UGCG: variants seen among roughly 807,000 people sequenced by gnomAD.
UGCG encodes ceramide glucosyltransferase.
A neutral mutation model predicts 49.5 loss-of-function variants in UGCG; 10 were observed. The ratio of observed to expected loss-of-function variants is 0.20; its 90% CI spans 0.12 to 0.34. UGCG has a LOEUF of 0.34. Among genes scored for constraint, UGCG ranks in the 10% least tolerant of loss-of-function variants. The probability of loss-of-function intolerance (pLI) is 1.00; values close to 1 mark genes in which losing one functional copy is unlikely to be tolerated. For missense variants in UGCG, 312 were observed against 483.7 expected (o/e 0.65, Z 3.33); for synonymous variants, 182 against 158.2 (o/e 1.15, Z -1.13).
At position 111,924,853 on chromosome 9, in the gene UGCG, A is replaced by G. The variant is rs779814072; in HGVS notation, c.420A>G (p.Ile140Met). ...ATGAAGTTGCAAAGTATGATCTTAT[A>G]TGGATTTGTGATAGTGGAATAAGAG... is the stretch of plus-strand genomic sequence containing the variant. The part of the protein sequence containing the change: ...PGYEVAKYDL[I>M]WICDSGIRVI... The change falls in exon 4 of 9, where the codon ATA (isoleucine) becomes ATG (methionine). Residue 140 changes from isoleucine (I) to methionine (M), a missense_variant. By Grantham distance (10) the Ile-to-Met change is conservative. Around this residue, in one of 4 missense-constraint regions of UGCG, gnomAD observed 180 missense variants for 320.4 expected, o/e 0.56. Coordinates refer to ENST00000374279, the MANE Select transcript of UGCG (RefSeq NM_003358.3). 1 of 1,522,972 alleles carries G rather than the reference A, an allele frequency of 6.6e-7. No individual in the cohort carries two copies. Among genetic ancestry groups the G allele is most frequent in the Non-Finnish European group, 8.8e-7 (1 of 1,141,786 alleles). 94.3% of individuals were successfully genotyped at this position (1,522,972 alleles called of 1,614,324 possible).
At position 111,926,461 on chromosome 9, in the gene UGCG, GCAGA is replaced by G. The variant is rs755320742; in HGVS notation, c.531_534del (p.Gln178AlafsTer6). The G allele has an allele frequency of 6.2e-7, 1 of 1,610,804 alleles. No homozygotes were observed. Among genetic ancestry groups the G allele is most frequent in the Admixed American group, 1.7e-5 (1 of 59,924 alleles). On this transcript the variant is annotated frameshift_variant, in exon 5 of 9. Transcript: ENST00000374279. LOFTEE classifies it high-confidence loss of function. ...CTTGGTTCACGGGCTGCCTTACGTA[GCAGA>G]CAGACAGGGCTTTGCTGCCACCTTA...
intron 2 of UGCG, among the ~76,000 whole-genome samples, chr9:111,919,121 A>C (rs994144392): frequency 6.6e-6 from 1 of 151,942 alleles, no homozygotes; most frequent in African/African-American, 2.4e-5. Context: ...AGCTAAGATT[A>C]GTTTTTTATT....
intron 3 of UGCG, among the ~76,000 whole-genome samples, chr9:111,923,461 T>A (rs1838262569): frequency 6.6e-6 from 1 of 152,146 alleles, no homozygotes; most frequent in Non-Finnish European, 1.5e-5. Flanking sequence ...GATCGGGCAA[T>A]GATTTAAATT....
intron 1 of UGCG, among the ~76,000 whole-genome samples, chr9:111,902,381 G>T (rs74375455): frequency 2.0e-5 from 3 of 152,196 alleles, no homozygotes; most frequent in Non-Finnish European, 4.4e-5. Context: ...GCACAAGAAG[G>T]TGTGCTTTAT....
Position 111,928,260 on chromosome 9 carries a change from C to T in UGCG, c.559-1240C>T, listed in dbSNP as rs547961331. ...TGTCCTACTGCAAGAAATTGTTAGT[C>T]TTAAATACCAGAATTTTTGTTTAGA... is the stretch of plus-strand genomic sequence containing the variant. On this transcript the variant is annotated intron_variant, in intron 5 of 8. Transcript: ENST00000374279. 3.9e-5 allele frequency among the ~76,000 whole-genome samples: 6 copies of T among 152,166 alleles called. No homozygotes were observed. In the East Asian group the frequency reaches 1.2e-3, roughly 29 times the overall value.
intron 1 of UGCG, among the ~76,000 whole-genome samples, chr9:111,913,942 A>C (rs1176761209): frequency 2.0e-5 from 3 of 151,718 alleles, no homozygotes; most frequent in Non-Finnish European, 4.4e-5. Flanking sequence ...TGCCATTCTG[A>C]CCTTATTAAT....
intron 2 of UGCG, among the ~76,000 whole-genome samples, chr9:111,919,241 T>C (rs1462806883): frequency 6.6e-6 from 1 of 152,232 alleles, no homozygotes; most frequent in Non-Finnish European, 1.5e-5. Context: ...GGCTCATGCC[T>C]GTAATACCAG....
At chr9:111,900,944 C>G (rs920517748) in intron 1 of UGCG, among the ~76,000 whole-genome samples, 2 of 152,054 alleles carry the variant, frequency 1.3e-5, no homozygotes, top group South Asian at 2.1e-4. Flanking sequence ...ATCCCAGGCT[C>G]GAGCAATTCT....
chr9:111,897,365 A>C (rs1485432272), intron 1 of UGCG, 52 bp downstream of exon 1: 5 of 1,442,096 alleles, frequency 3.5e-6, no homozygotes, highest in Non-Finnish European at 4.7e-6. Context: ...GGCCTCGGAG[A>C]CAGGCGAGAA....
chr9:111,914,320 T>C (rs1266918787), intron 1 of UGCG, among the ~76,000 whole-genome samples: 2 of 152,146 alleles, frequency 1.3e-5, no homozygotes, highest in Non-Finnish European at 2.9e-5. Flanking sequence ...AGAAGAAGAA[T>C]TGTCTTGGGT....
chr9:111,920,025 T>G (rs560229134), intron 2 of UGCG, among the ~76,000 whole-genome samples: 1 of 152,256 alleles, frequency 6.6e-6, no homozygotes, highest in African/African-American at 2.4e-5. Context: ...TTTCTGTGAC[T>G]TAGAGTCAGC....
chr9:111,917,710 G>A (rs1838134145), intron 2 of UGCG, among the ~76,000 whole-genome samples: 1 of 152,196 alleles, frequency 6.6e-6, no homozygotes, highest in Admixed American at 6.5e-5. Context: ...GGTGAGACTA[G>A]ACTAGTTGCT....
At chr9:111,924,296 A>C (rs1427953744) in intron 3 of UGCG, among the ~76,000 whole-genome samples, 5 of 152,224 alleles carry the variant, frequency 3.3e-5, no homozygotes, top group Admixed American at 1.3e-4. Flanking sequence ...TGGAATAGCT[A>C]AATTAAGTTA....
At position 111,931,386 on chromosome 9, in the gene UGCG, C is replaced by T. The variant is rs757749269; in HGVS notation, c.824+29C>T. The T allele has an allele frequency of 1.9e-5, 30 of 1,596,682 alleles. No individual in the cohort carries two copies. In the East Asian group the frequency reaches 2.7e-4, roughly 14 times the overall value. On this transcript the variant is annotated intron_variant, in intron 7 of 8. Coordinates refer to ENST00000374279, the MANE Select transcript of UGCG (RefSeq NM_003358.3). ...AATCAACTGTTTTCTTTTTATACTT[C>T]GTTAAAAGGAAAGTGGGGAGGGGGG...
rs113266260 is a variant in UGCG, at chr9:111,906,461, G to A, written c.99-8144G>A. Among the ~76,000 whole-genome samples the A allele has an allele frequency of 5.8e-3, 879 of 151,830 alleles. 8 individuals are homozygous for A. Among genetic ancestry groups the A allele is most frequent in the African/African-American group, 0.02 (824 of 41,290 alleles). On this transcript the variant is annotated intron_variant, in intron 1 of 8. Transcript: ENST00000374279. ...TTTTGTTTTGTTTTGAGACAGTCTCGCTGTGTCGCCCAAGCTGGAGTTCAG... is the reference window on the plus strand; with the variant it reads ...TTTTGTTTTGTTTTGAGACAGTCTCACTGTGTCGCCCAAGCTGGAGTTCAG...
intron 5 of UGCG, among the ~76,000 whole-genome samples, chr9:111,928,266 T>C (rs1033974123): frequency 2.6e-5 from 4 of 152,324 alleles, no homozygotes; most frequent in Admixed American, 2.0e-4. Flanking sequence ...TAGTCTTAAA[T>C]ACCAGAATTT....
intron 1 of UGCG, among the ~76,000 whole-genome samples, chr9:111,910,930 A>G (rs1171428988): frequency 6.6e-6 from 1 of 152,092 alleles, no homozygotes; most frequent in East Asian, 1.9e-4. Context: ...ATTTTTTAGT[A>G]GAGACGGAGT....
chr9:111,918,979 C>T (rs146049464), intron 2 of UGCG, among the ~76,000 whole-genome samples: 1 of 151,414 alleles, frequency 6.6e-6, no homozygotes, highest in East Asian at 1.9e-4. Context: ...AACCTTGCAT[C>T]TGAATAAAGG....
intron 2 of UGCG, chr9:111,915,697 T>G: frequency 1.3e-6 from 1 of 767,208 alleles, no homozygotes; most frequent in Non-Finnish European, 1.6e-6. Context: ...AGAAGGAAGA[T>G]GATATGCGCA....
Sources: allele counts gnomAD v4.1 joint callset (sites outside exome capture counted in the v4.1 genomes callset), GRCh38; gene constraint gnomAD v4.1.1; regional missense constraint gnomAD v4.1.1; transcripts MANE v1.5; gene names NCBI Gene and HGNC (gene_info 2026-07-23, HGNC 2026-07-21).